The following MMP16 variants were observed in gnomAD, a reference collection of about 807,000 sequenced individuals.
MMP16 encodes the protein matrix metallopeptidase 16.
A neutral mutation model predicts 67.8 loss-of-function variants in MMP16; 12 were observed. The observed-to-expected ratio is 0.18, with a 90% CI of 0.11 to 0.29. The LOEUF is 0.29. MMP16 is among the 10% of genes least tolerant of loss of function. The probability of loss-of-function intolerance (pLI) is 1.00; values close to 1 mark genes in which losing one functional copy is unlikely to be tolerated. For synonymous variants in MMP16, 249 were observed against 255.9 expected (o/e 0.97, Z 0.26); for missense variants, 475 against 765.7 (o/e 0.62, Z 4.48).
At chr8:88,147,302 A>G (rs992586304) in intron 4 of MMP16, among the ~76,000 whole-genome samples, 30 of 152,082 alleles carry the variant, frequency 2.0e-4, no homozygotes, top group Non-Finnish European at 4.3e-4. Context: ...CCTTAACGCT[A>G]AAATAATATA....
intron 1 of MMP16, among the ~76,000 whole-genome samples, chr8:88,326,217 T>C (rs1811535158): frequency 6.6e-6 from 1 of 152,190 alleles, no homozygotes; most frequent in South Asian, 2.1e-4. Context: ...CACGCTTTCA[T>C]TGATTTATTG....
chr8:88,244,016 T>C (rs1391083374), intron 1 of MMP16, among the ~76,000 whole-genome samples: 1 of 146,884 alleles, frequency 6.8e-6, no homozygotes, highest in Non-Finnish European at 1.5e-5. Context: ...TTATTAAAGG[T>C]AACAATAATG....
intron 1 of MMP16, among the ~76,000 whole-genome samples, chr8:88,257,705 A>G (rs1005022559): frequency 6.6e-6 from 1 of 152,236 alleles, no homozygotes; most frequent in African/African-American, 2.4e-5. Flanking sequence ...TGCATTGAAC[A>G]AATATTTGTT....
chr8:88,161,650 T>C (rs1808625930), intron 4 of MMP16, among the ~76,000 whole-genome samples: 1 of 152,176 alleles, frequency 6.6e-6, no homozygotes, highest in Admixed American at 6.6e-5. Flanking sequence ...TGTTAGGGTG[T>C]TAATTTTAGA....
intron 2 of MMP16, among the ~76,000 whole-genome samples, chr8:88,188,391 C>T (rs958059825): frequency 6.6e-6 from 1 of 151,770 alleles, no homozygotes; most frequent in African/African-American, 2.4e-5. Context: ...ATTTACTTAA[C>T]GTGGGATATG....
At chr8:88,149,267 G>C (rs550351953) in intron 4 of MMP16, among the ~76,000 whole-genome samples, 2 of 152,222 alleles carry the variant, frequency 1.3e-5, no homozygotes, top group African/African-American at 4.8e-5. Context: ...ACTGCAAGGC[G>C]GCAGCGAGGC....
intron 1 of MMP16, among the ~76,000 whole-genome samples, chr8:88,209,762 A>G (rs1477372255): frequency 1.3e-5 from 2 of 152,178 alleles, no homozygotes; most frequent in East Asian, 3.8e-4. Flanking sequence ...TAATATTTTC[A>G]ATGGTCACCC....
At chr8:88,155,467 C>A (rs992393633) in intron 4 of MMP16, among the ~76,000 whole-genome samples, 1 of 151,842 alleles carries the variant, frequency 6.6e-6, no homozygotes, top group African/African-American at 2.4e-5. Context: ...ATTAATTTTG[C>A]AGTGAATAAA....
intron 1 of MMP16, among the ~76,000 whole-genome samples, chr8:88,314,898 A>G (rs1811354368): frequency 6.6e-6 from 1 of 152,086 alleles, no homozygotes; most frequent in Non-Finnish European, 1.5e-5. Flanking sequence ...TGGTCTCCTT[A>G]TACACCCAGC....
At chr8:88,169,268 C>A (rs1332247970) in intron 3 of MMP16, among the ~76,000 whole-genome samples, 1 of 151,984 alleles carries the variant, frequency 6.6e-6, no homozygotes, top group East Asian at 1.9e-4. Flanking sequence ...TATTTTTAAC[C>A]TGATTCTCTG....
chr8:88,310,035 C>T (rs1278238548), intron 1 of MMP16, among the ~76,000 whole-genome samples: 1 of 152,064 alleles, frequency 6.6e-6, no homozygotes, highest in Non-Finnish European at 1.5e-5. Context: ...CAGTGAAATA[C>T]AAGTAAAACT....
intron 4 of MMP16, among the ~76,000 whole-genome samples, chr8:88,160,347 A>G (rs180852431): frequency 2.0e-5 from 3 of 152,014 alleles, no homozygotes; most frequent in Admixed American, 6.6e-5. Context: ...TATATGTGCC[A>G]CATTTTCTTA....
At chr8:88,234,469 A>C (rs1809910158) in intron 1 of MMP16, among the ~76,000 whole-genome samples, 1 of 152,212 alleles carries the variant, frequency 6.6e-6, no homozygotes, top group Non-Finnish European at 1.5e-5. Context: ...GATGTATCCA[A>C]ACTCTTTCTG....
chr8:88,244,573 A>G (rs992205641), intron 1 of MMP16, among the ~76,000 whole-genome samples: 5 of 152,166 alleles, frequency 3.3e-5, no homozygotes, highest in African/African-American at 1.2e-4. Flanking sequence ...GCACTCTTGT[A>G]TTTTACATAT....
chr8:88,279,981 G>A (rs977603158), intron 1 of MMP16, among the ~76,000 whole-genome samples: 1 of 152,146 alleles, frequency 6.6e-6, no homozygotes, highest in Non-Finnish European at 1.5e-5. Context: ...AGGTTCCCGA[G>A]GGGCAGATGA....
At chr8:88,085,594 AG>A (rs1215665108) in intron 6 of MMP16, among the ~76,000 whole-genome samples, 3 of 152,058 alleles carry the variant, frequency 2.0e-5, no homozygotes, top group Non-Finnish European at 4.4e-5. Context: ...TAGTAGAGGA[AG>A]GAAGTGAAAT....
chr8:88,212,467 T>G (rs1809527522), intron 1 of MMP16, among the ~76,000 whole-genome samples: 1 of 152,178 alleles, frequency 6.6e-6, no homozygotes, highest in Admixed American at 6.6e-5. Flanking sequence ...ATGCTTCAGT[T>G]ATATATCTAA....
intron 6 of MMP16, among the ~76,000 whole-genome samples, chr8:88,099,574 A>T (rs549851761): frequency 6.6e-6 from 1 of 151,914 alleles, no homozygotes; most frequent in Non-Finnish European, 1.5e-5. Context: ...TCCTTATTTG[A>T]CTAGAAATTT....
At chr8:88,146,987 T>C (rs1275938799) in intron 4 of MMP16, among the ~76,000 whole-genome samples, 10 of 152,012 alleles carry the variant, frequency 6.6e-5, no homozygotes, top group Admixed American at 6.6e-4. Flanking sequence ...TAACATTTTG[T>C]ATATAAATTA....
Sources: allele counts gnomAD v4.1 joint callset (sites outside exome capture counted in the v4.1 genomes callset), GRCh38; gene constraint gnomAD v4.1.1; transcripts MANE v1.5; gene names NCBI Gene and HGNC (gene_info 2026-07-23, HGNC 2026-07-21).